MATN2: variants seen among roughly 807,000 people sequenced by gnomAD.
The protein encoded by MATN2 is matrilin-2.
MATN2 carries 69 observed loss-of-function variants against 103.2 expected under a neutral mutation model. The ratio of observed to expected loss-of-function variants is 0.67; its 90% CI spans 0.55 to 0.82. The LOEUF (loss-of-function observed/expected upper bound fraction) is 0.82. MATN2 is among the 40% of genes least tolerant of loss of function. MATN2 has a pLI of 0.00. For missense variants in MATN2, 1,023 were observed against 1,211.5 expected (o/e 0.84, Z 2.31); for synonymous variants, 429 against 450.2 (o/e 0.95, Z 0.60).
chr8:97,917,666 G>A (rs980401214), intron 2 of MATN2, among the ~76,000 whole-genome samples: 68 of 152,194 alleles, frequency 4.5e-4, no homozygotes, highest in African/African-American at 1.5e-3. Flanking sequence ...GGGTGTATGT[G>A]GGGGAAGACC....
intron 5 of MATN2, among the ~76,000 whole-genome samples, chr8:97,968,449 C>T (rs1049641405): frequency 2.0e-5 from 3 of 152,228 alleles, no homozygotes; most frequent in African/African-American, 7.2e-5. Flanking sequence ...CATTCTGCTT[C>T]CCTTTTACAT....
chr8:98,017,861 C>A, intron 11 of MATN2, 133 bp from the exon 12 acceptor site: 1 of 939,916 alleles, frequency 1.1e-6, no homozygotes, highest in Non-Finnish European at 1.6e-6. Flanking sequence ...TTGTAACTTC[C>A]TGCCCCATGG....
intron 1 of MATN2, among the ~76,000 whole-genome samples, chr8:97,876,211 CAG>C (rs1396152198): frequency 7.2e-5 from 9 of 124,152 alleles, no homozygotes; most frequent in African/African-American, 3.0e-4. Context: ...TTTTTTGAGA[CAG>C]AGTTTCGCTC....
intron 17 of MATN2, 94 bp downstream of exon 17, chr8:98,033,270 AGT>A (rs746755545): frequency 1.9e-5 from 21 of 1,099,714 alleles, no homozygotes; most frequent in Non-Finnish European, 2.0e-5. Flanking sequence ...GAAAGAAGGA[AGT>A]AGGAAATAGT....
intron 2 of MATN2, among the ~76,000 whole-genome samples, chr8:97,913,896 T>A (rs925479371): frequency 2.0e-5 from 3 of 152,228 alleles, no homozygotes; most frequent in Admixed American, 6.5e-5. Context: ...ATTACAGGCA[T>A]GGGCCACCTT....
Position 97,961,431 on chromosome 8 carries a change from G to T in MATN2, c.859G>T (p.Asp287Tyr). The change falls in exon 5 of 19, where the codon GAC becomes TAC. Residue 287 changes from aspartate to tyrosine, a missense_variant. By Grantham distance (160) the Asp-to-Tyr change is radical. Coordinates refer to ENST00000254898, the MANE Select transcript of MATN2 (RefSeq NM_002380.5). ...AGTCCAGGATCTGTGTGCCATGGAG[G>T]ACCACAACTGTGAGCAGCTCTGTGT... is the stretch of plus-strand genomic sequence containing the variant. ...CRIQDLCAME[D>Y]HNCEQLCVNV... The T allele has an allele frequency of 1.2e-6, 2 of 1,613,156 alleles. No homozygotes were observed. The highest frequency in any genetic ancestry group is 1.7e-6 in the Non-Finnish European group (2 of 1,179,488).
chr8:97,904,286 G>T, intron 2 of MATN2, among the ~76,000 whole-genome samples: 1 of 152,128 alleles, frequency 6.6e-6, no homozygotes, highest in East Asian at 1.9e-4. Flanking sequence ...AAAGCCATTA[G>T]TCTATTTGAC....
At chr8:98,016,712 G>A in intron 11 of MATN2, 50 bp downstream of exon 11, 1 of 1,589,872 alleles carries the variant, frequency 6.3e-7, no homozygotes, top group South Asian at 1.1e-5. Context: ...ACCACTGTGT[G>A]AAATCGCTAT....
intron 5 of MATN2, among the ~76,000 whole-genome samples, chr8:97,976,223 C>G (rs535690337): frequency 6.6e-6 from 1 of 152,260 alleles, no homozygotes; most frequent in South Asian, 2.1e-4. Flanking sequence ...TTCTCCCTGC[C>G]TCAGCCTTCC....
intron 13 of MATN2, among the ~76,000 whole-genome samples, chr8:98,024,621 G>A (rs1242679300): frequency 6.6e-6 from 1 of 152,244 alleles, no homozygotes; most frequent in African/African-American, 2.4e-5. Context: ...CATCAGGAGA[G>A]GCATTGAGGC....
rs190637584 is a variant in MATN2 at position 98,015,868 on chromosome 8, A to G, written c.1574-672A>G. Among the ~76,000 whole-genome samples the G allele has an allele frequency of 3.9e-4, 60 of 152,354 alleles. No homozygotes were observed. In the East Asian group the frequency reaches 4.2e-3, roughly 11 times the overall value. Reference sequence around the variant, plus strand: ...AGTGCCTGGCTCATTGCAGGGACTCACAAAATATTTGTGAACTGACTGAAT... The same window carrying G: ...AGTGCCTGGCTCATTGCAGGGACTCGCAAAATATTTGTGAACTGACTGAAT... On this transcript the variant is annotated intron_variant, in intron 10 of 18. Transcript: ENST00000254898.
chr8:97,931,437 T>C lies in MATN2; in HGVS notation c.627T>C (p.Ser209=), dbSNP rs187552048. The stretch of plus-strand genomic sequence containing the variant: ...TCAACACCTTGAAGTCCATTGGGAG[T>C]GAGCCCCATGAGGACCATGTCTTCC... ...VDFNTLKSIG[S]EPHEDHVFLV... The change falls in exon 3 of 19, where the codon AGT becomes AGC. Residue 209 remains serine, a synonymous_variant. Transcript: ENST00000254898. The surrounding 1 kb of genome is among the most constrained non-coding windows in gnomAD (Gnocchi z 4.1). The C allele has an allele frequency of 7.5e-4, 1,217 of 1,613,630 alleles. 7 individuals carry two copies. In the African/African-American group the frequency reaches 0.014, roughly 19 times the overall value.
At chr8:97,941,153 C>A (rs1177478899) in intron 3 of MATN2, among the ~76,000 whole-genome samples, 1 of 95,356 alleles carries the variant, frequency 1.0e-5, no homozygotes, top group Non-Finnish European at 1.9e-5. Context: ...CAGAGCAAGA[C>A]CTTGTCTCAA....
chr8:97,869,496 C>T (rs1228198154), intron 1 of MATN2, among the ~76,000 whole-genome samples: 4 of 152,108 alleles, frequency 2.6e-5, no homozygotes, highest in African/African-American at 9.6e-5. Context: ...CTGCCCGACC[C>T]CTCGGCCGGG....
chr8:97,998,138 AT>A (rs1812653174), intron 7 of MATN2, among the ~76,000 whole-genome samples: 1 of 151,548 alleles, frequency 6.6e-6, no homozygotes, highest in Non-Finnish European at 1.5e-5. Flanking sequence ...TGGTATTTGA[AT>A]AGCTGCCTGC....
chr8:97,889,489 A>ATATATATATATATATATATATATATAT (rs1408329205), intron 2 of MATN2, among the ~76,000 whole-genome samples: 18 of 143,758 alleles, frequency 1.3e-4, no homozygotes, highest in South Asian at 2.3e-4. Context: ...ATATATATAT[A>ATATATATATATATATATATATATATAT]AAACTGATGA....
At chr8:97,880,656 T>C (rs1268705706) in intron 1 of MATN2, among the ~76,000 whole-genome samples, 1 of 152,220 alleles carries the variant, frequency 6.6e-6, no homozygotes, top group Non-Finnish European at 1.5e-5. Flanking sequence ...CTTAACTCTT[T>C]GTTCAGGGCT....
intron 5 of MATN2, among the ~76,000 whole-genome samples, chr8:97,962,961 C>G (rs1197731032): frequency 1.3e-5 from 2 of 152,090 alleles, no homozygotes; most frequent in Non-Finnish European, 2.9e-5. Flanking sequence ...ATGGCGAAAC[C>G]CGGTCTCTAC....
At chr8:97,940,441 CACAG>C (rs900296808) in intron 3 of MATN2, among the ~76,000 whole-genome samples, 9 of 152,200 alleles carry the variant, frequency 5.9e-5, no homozygotes, top group Non-Finnish European at 1.2e-4. Flanking sequence ...GGAACCAAAA[CACAG>C]ACAATCAAAC....
Sources: gnomAD v4.1 joint callset for allele counts (sites outside exome capture counted in the v4.1 genomes callset) on GRCh38, gnomAD v4.1.1 for gene constraint, Gnocchi (gnomAD v3.1) non-coding constraint, MANE v1.5 for transcripts, NCBI Gene and HGNC (gene_info 2026-07-23, HGNC 2026-07-21) for gene names.